GALK2: variants seen among roughly 807,000 people sequenced by gnomAD.
The protein encoded by GALK2 is N-acetylgalactosamine kinase.
A neutral mutation model predicts 52.4 loss-of-function variants in GALK2; 36 were observed. That is an observed-to-expected ratio of 0.69 (90% CI 0.53 to 0.91). The LOEUF is 0.91. Ranked by LOEUF, GALK2 falls within the 40% of genes least tolerant of loss-of-function variation. The pLI is 0.00. For missense variants in GALK2, 579 were observed against 559.1 expected (o/e 1.04, Z -0.36); for synonymous variants, 176 against 199.1 (o/e 0.88, Z 0.98).
chr15:49,367,686 A>G (rs1342990379), exon 4 of GALK2: 9 of 1,290,732 alleles, frequency 7.0e-6, no homozygotes, highest in Non-Finnish European at 3.2e-6. Flanking sequence ...ATAACTTCAT[A>G]TTTAGCATAA....
chr15:49,255,642 A>T, intron 5 of GALK2, among the ~76,000 whole-genome samples: 1 of 105,726 alleles, frequency 9.5e-6, no homozygotes, highest in Non-Finnish European at 2.3e-5. Context: ...ATTATTTAAT[A>T]CACAGAGATA....
chr15:49,306,068 G>A (rs559628006), intron 8 of GALK2, among the ~76,000 whole-genome samples: 3 of 152,176 alleles, frequency 2.0e-5, no homozygotes, highest in Non-Finnish European at 4.4e-5. Flanking sequence ...TAGTGTAGGT[G>A]TATTGTCCTT....
intron 5 of GALK2, among the ~76,000 whole-genome samples, chr15:49,242,145 G>C (rs777050019): frequency 5.9e-5 from 9 of 152,008 alleles, no homozygotes; most frequent in Admixed American, 5.9e-4. Context: ...AGAATTCAAG[G>C]GACTTTAGAG....
At chr15:49,246,156 G>A (rs1350462729) in intron 5 of GALK2, among the ~76,000 whole-genome samples, 1 of 152,212 alleles carries the variant, frequency 6.6e-6, no homozygotes, top group African/African-American at 2.4e-5. Context: ...AGATATGCCT[G>A]TATTTTGTAA....
chr15:49,354,387 G>A (rs867916673), intron 3 of GALK2, among the ~76,000 whole-genome samples: 177 of 152,248 alleles, frequency 1.2e-3, no homozygotes, highest in Admixed American at 8.6e-3. Flanking sequence ...CAGTGGGTGC[G>A]CGCACCGTGC....
At chr15:49,189,605 C>T (rs1337469441) in intron 1 of GALK2, among the ~76,000 whole-genome samples, 1 of 152,114 alleles carries the variant, frequency 6.6e-6, no homozygotes, top group Non-Finnish European at 1.5e-5. Flanking sequence ...CATCACTACT[C>T]ATAGGCTTTG....
intron 3 of GALK2, chr15:49,367,390 T>C (rs1244744173): frequency 2.9e-6 from 4 of 1,383,908 alleles, no homozygotes; most frequent in Admixed American, 2.6e-5. Flanking sequence ...TTCAGTGAAA[T>C]GTTTTGAATA....
intron 1 of GALK2, among the ~76,000 whole-genome samples, chr15:49,184,339 T>C (rs1334214300): frequency 6.6e-6 from 1 of 152,186 alleles, no homozygotes; most frequent in Admixed American, 6.5e-5. Context: ...TTTCATCTGT[T>C]TTCTTTTTCA....
intron 6 of GALK2, 102 bp from the exon 7 acceptor site, chr15:49,283,464 G>A: frequency 1.0e-6 from 1 of 982,404 alleles, no homozygotes; most frequent in South Asian, 1.7e-5. Context: ...TTGAATGAAT[G>A]AATGCATTTT....
intron 8 of GALK2, chr15:49,318,017 C>G (rs1332332181): frequency 1.3e-5 from 2 of 151,922 alleles, no homozygotes; most frequent in Non-Finnish European, 2.9e-5. Flanking sequence ...TGTAACAAAC[C>G]TGCACATTCT....
chr15:49,298,091 T>C (rs1379741280), intron 8 of GALK2, among the ~76,000 whole-genome samples: 1 of 152,116 alleles, frequency 6.6e-6, no homozygotes, highest in Non-Finnish European at 1.5e-5. Flanking sequence ...CTCTGATTTC[T>C]TTCAGCCATG....
intron 3 of GALK2, among the ~76,000 whole-genome samples, chr15:49,339,526 C>A (rs1161578999): frequency 6.6e-6 from 1 of 152,168 alleles, no homozygotes; most frequent in African/African-American, 2.4e-5. Context: ...CCGCCAGATG[C>A]CAGCCAGAGC....
chr15:49,217,376 T>TA, intron 3 of GALK2, 63 bp downstream of exon 3: 1 of 1,427,834 alleles, frequency 7.0e-7, no homozygotes, highest in Non-Finnish European at 9.4e-7. Flanking sequence ...AAATGAACTC[T>TA]TTAGGAGACA....
intron 5 of GALK2, among the ~76,000 whole-genome samples, chr15:49,246,107 C>A (rs1003043741): frequency 3.3e-5 from 5 of 152,168 alleles, no homozygotes; most frequent in Non-Finnish European, 7.4e-5. Context: ...TATCAAAAAT[C>A]TTTCGCCAAG....
chr15:49,202,507 T>C (rs1315057559), intron 2 of GALK2, among the ~76,000 whole-genome samples: 1 of 152,234 alleles, frequency 6.6e-6, no homozygotes, highest in Admixed American at 6.5e-5. Context: ...TCTAAGCTCA[T>C]CCATGTTGCT....
intron 8 of GALK2, among the ~76,000 whole-genome samples, chr15:49,293,917 T>G (rs932128494): frequency 2.6e-5 from 4 of 151,722 alleles, no homozygotes; most frequent in African/African-American, 9.7e-5. Flanking sequence ...CTGGCCAACA[T>G]AGTAAAACCC....
At chr15:49,178,384 T>G in intron 1 of GALK2, 1 of 163,430 alleles carries the variant, frequency 6.1e-6, no homozygotes. Context: ...TGTACATATA[T>G]ATATATATGT....
downstream of GALK2, chr15:49,335,511 A>G: frequency 6.3e-7 from 1 of 1,595,930 alleles, no homozygotes; most frequent in African/African-American, 1.3e-5. Flanking sequence ...TAGGCTTATT[A>G]TTAAGGAATG....
chr15:49,205,857 A>C (rs1335751370), intron 2 of GALK2, among the ~76,000 whole-genome samples: 6 of 152,008 alleles, frequency 3.9e-5, no homozygotes, highest in Non-Finnish European at 5.9e-5. Context: ...GAATTTTTTT[A>C]GTTTCATATC....
Sources: gnomAD v4.1 joint callset for allele counts (sites outside exome capture counted in the v4.1 genomes callset) on GRCh38, gnomAD v4.1.1 for gene constraint, MANE v1.5 for transcripts, NCBI Gene and HGNC (gene_info 2026-07-23, HGNC 2026-07-21) for gene names.